The following RBFOX2 variants were observed in gnomAD, a reference collection of about 807,000 sequenced individuals.
RBFOX2 encodes the protein RNA binding protein fox-1 homolog 2.
In RBFOX2, 10 loss-of-function variants were observed where a neutral mutation model predicts 49.1. That is an observed-to-expected ratio of 0.20 (90% CI 0.13 to 0.35). RBFOX2 has a LOEUF of 0.35. Ranked by LOEUF, RBFOX2 falls within the 10% of genes least tolerant of loss-of-function variation. The pLI, the probability that RBFOX2 is intolerant of heterozygous loss-of-function variation, is 1.00. For synonymous variants in RBFOX2, 183 were observed against 187.4 expected, an observed-to-expected ratio of 0.98 and a Z score of 0.19; for missense variants, 323 against 486.9, an observed-to-expected ratio of 0.66 and a Z score of 3.17.
chr22:36,026,578 T>G (rs919419228), intron 1 of RBFOX2, among the ~76,000 whole-genome samples: 3 of 146,750 alleles, frequency 2.0e-5, no homozygotes, highest in Admixed American at 6.7e-5. Flanking sequence ...ACACACCAAG[T>G]AGAACCTGCT....
At chr22:35,784,822 G>A (rs1056501954) in intron 2 of RBFOX2, among the ~76,000 whole-genome samples, 5 of 152,168 alleles carry the variant, frequency 3.3e-5, no homozygotes, top group African/African-American at 1.2e-4. Context: ...CGGGGGCCGC[G>A]ACCACCGCCG....
rs116903051 is a variant in RBFOX2, at chr22:35,827,811, C to G, written c.27+12381G>C. 4.0e-3 allele frequency among the ~76,000 whole-genome samples: 606 copies of G among 152,264 alleles called. 3 individuals are homozygous for G. Among genetic ancestry groups the G allele is most frequent in the Non-Finnish European group, 6.6e-3 (450 of 68,028 alleles). ...TAAAAATATATTCAATGCAACACTG[C>G]TTAATTTTCATTTAAAAGTATGTGT... On this transcript the variant is annotated intron_variant, in intron 1 of 11. Transcript: ENST00000405409.
chr22:35,803,726 G>A (rs960115281), intron 2 of RBFOX2, among the ~76,000 whole-genome samples: 1 of 151,798 alleles, frequency 6.6e-6, no homozygotes, highest in African/African-American at 2.4e-5. Context: ...AATCTCAGTA[G>A]AAAAATGTAA....
chr22:35,738,983 C>T (rs1928402904), exon 12 of RBFOX2: 1 of 152,592 alleles, frequency 6.6e-6, no homozygotes, highest in Admixed American at 6.5e-5. Context: ...AGCTACTATA[C>T]AATATGATTC....
chr22:35,762,750 C>T (rs1203717032), intron 6 of RBFOX2, among the ~76,000 whole-genome samples: 2 of 152,156 alleles, frequency 1.3e-5, no homozygotes, highest in East Asian at 1.9e-4. Flanking sequence ...GGTGATCCAC[C>T]CGCCTCAGCC....
intron 2 of RBFOX2, among the ~76,000 whole-genome samples, chr22:35,788,040 T>C (rs559737839): frequency 2.0e-5 from 3 of 152,208 alleles, no homozygotes; most frequent in Admixed American, 1.3e-4. Flanking sequence ...TTACACTTAA[T>C]AGCAAACTAG....
intron 1 of RBFOX2, among the ~76,000 whole-genome samples, chr22:35,921,610 A>C (rs2051034515): frequency 6.6e-6 from 1 of 152,250 alleles, no homozygotes; most frequent in South Asian, 2.1e-4. Context: ...CTAATACTGC[A>C]CATCCACCCA....
chr22:35,809,588 C>A (rs927604498), intron 2 of RBFOX2, among the ~76,000 whole-genome samples, 192 bp downstream of exon 3: 1 of 151,744 alleles, frequency 6.6e-6, no homozygotes, highest in Non-Finnish European at 1.5e-5. Context: ...TGGGAGAGCT[C>A]GAAAAGCCAA....
chr22:35,769,775 C>T (rs533806414), intron 4 of RBFOX2, among the ~76,000 whole-genome samples: 11 of 152,146 alleles, frequency 7.2e-5, no homozygotes, highest in Admixed American at 4.6e-4. Flanking sequence ...AAACAATGCG[C>T]GTTGCTTAAT....
chr22:35,759,920 C>A lies in RBFOX2; in HGVS notation c.855G>T (p.Ala285=), dbSNP rs192785410. The change falls in exon 9 of 12, where the codon GCG becomes GCT. Residue 285 remains alanine, a synonymous_variant. Coordinates refer to ENST00000405409, the Ensembl canonical transcript of RBFOX2. The surrounding 1 kb of genome is among the most constrained non-coding windows in gnomAD (Gnocchi z 4.6). ...AGGCGGGGATGGCTGTTGGAGGTACCGCTCGGACTGCACCATATACTGTCC... is the reference window on the plus strand; with the variant it reads ...AGGCGGGGATGGCTGTTGGAGGTACAGCTCGGACTGCACCATATACTGTCC... The A allele has an allele frequency of 2.5e-6, 4 of 1,613,462 alleles. No homozygotes were observed. The Admixed American group carries it at 6.7e-5, about 27-fold the overall frequency.
At chr22:35,854,869 A>G (rs774058480) in intron 1 of RBFOX2, among the ~76,000 whole-genome samples, 14 of 151,332 alleles carry the variant, frequency 9.3e-5, no homozygotes, top group East Asian at 3.9e-4. Flanking sequence ...ATACTGATGG[A>G]AAAAAAAAGG....
chr22:35,872,395 C>G (rs1026062757), intron 1 of RBFOX2, among the ~76,000 whole-genome samples: 2 of 152,160 alleles, frequency 1.3e-5, no homozygotes, highest in Admixed American at 1.3e-4. Flanking sequence ...TTGTGTTAAT[C>G]AGCTCAATCA....
intron 10 of RBFOX2, 91 bp from the exon 13 acceptor site, chr22:35,746,086 A>T: frequency 1.7e-6 from 2 of 1,152,292 alleles, no homozygotes; most frequent in East Asian, 4.7e-5. Flanking sequence ...CTTGTGAGTC[A>T]CTTGGTCTTG....
intron 1 of RBFOX2, among the ~76,000 whole-genome samples, chr22:36,016,699 A>G (rs945529297): frequency 6.6e-6 from 1 of 152,188 alleles, no homozygotes; most frequent in Non-Finnish European, 1.5e-5. Context: ...TAAACCTCAA[A>G]GGCTGTTTTC....
intron 2 of RBFOX2, among the ~76,000 whole-genome samples, chr22:35,789,537 C>A (rs1254839601): frequency 2.0e-5 from 3 of 151,346 alleles, no homozygotes. Context: ...AGCAAGACTC[C>A]ATCTCAAAAA....
At chr22:35,861,982 G>A (rs1473708992) in intron 1 of RBFOX2, among the ~76,000 whole-genome samples, 1 of 152,110 alleles carries the variant, frequency 6.6e-6, no homozygotes, top group Non-Finnish European at 1.5e-5. Context: ...TAACATGGAT[G>A]AATTTCAAAA....
chr22:35,836,233 CA>C (rs1957629943), intron 1 of RBFOX2: 2 of 152,352 alleles, frequency 1.3e-5, no homozygotes, highest in South Asian at 4.1e-4. Flanking sequence ...TTAGCAAAAT[CA>C]CAGAATAGAT....
chr22:35,753,107 A>C lies in RBFOX2; in HGVS notation c.888-6546T>G, dbSNP rs546918436. Among the ~76,000 whole-genome samples, 13 of 152,348 alleles carry C rather than the reference A, an allele frequency of 8.5e-5. No homozygotes were observed. In the South Asian group the frequency reaches 2.7e-3, roughly 32 times the overall value. On this transcript the variant is annotated intron_variant, in intron 9 of 11. Coordinates refer to ENST00000405409, the Ensembl canonical transcript of RBFOX2. ...AACTTAAGCATAACCAGCAATTTAA[A>C]ATCTTTTCCCTTGTGTCTTCTCTTC...
At chr22:35,751,606 TTA>T (rs958743679) in intron 9 of RBFOX2, among the ~76,000 whole-genome samples, 16 of 152,274 alleles carry the variant, frequency 1.1e-4, no homozygotes, top group Non-Finnish European at 2.2e-4. Context: ...CTAGGAGATA[TTA>T]TAGAGTTCTT....
Sources: gnomAD v4.1 joint callset for allele counts (sites outside exome capture counted in the v4.1 genomes callset) on GRCh38, gnomAD v4.1.1 for gene constraint, Gnocchi (gnomAD v3.1) non-coding constraint, MANE v1.5 for transcripts, NCBI Gene and HGNC (gene_info 2026-07-23, HGNC 2026-07-21) for gene names.